Variants in RXRA observed in about 807,000 individuals in gnomAD.
RXRA encodes retinoic acid receptor RXR-alpha.
In RXRA, 5 loss-of-function variants were observed where a neutral mutation model predicts 44.5. The observed-to-expected ratio is 0.11, with a 90% CI of 0.06 to 0.24. RXRA has a LOEUF of 0.24. Among genes scored for constraint, RXRA ranks in the 10% least tolerant of loss-of-function variants. The probability of loss-of-function intolerance (pLI) is 1.00; values close to 1 mark genes in which losing one functional copy is unlikely to be tolerated. For missense variants in RXRA, 412 were observed against 646.5 expected (o/e 0.64, Z 3.93); for synonymous variants, 291 against 271.4 (o/e 1.07, Z -0.71).
Position 134,415,974 on chromosome 9 carries a change from G to T in RXRA, c.611-1184G>T, listed in dbSNP as rs1831227598. On this transcript the variant is annotated intron_variant, in intron 4 of 9. Transcript: ENST00000481739. ...ACCGGTACAATGGGGTAATGTGAGT[G>T]CCCGCCCTGTGGGGCGGTGTTGGGG... 2.0e-5 allele frequency among the ~76,000 whole-genome samples: 3 copies of T among 152,352 alleles called. No homozygotes were observed. In the South Asian group the frequency reaches 6.2e-4, roughly 32 times the overall value.
At chr9:134,372,713 C>G (rs904008065) in intron 1 of RXRA, among the ~76,000 whole-genome samples, 1 of 152,210 alleles carries the variant, frequency 6.6e-6, no homozygotes. Flanking sequence ...CTGTGAGACC[C>G]TGCTCTTCCC....
In RXRA at chr9:134,366,013, C is replaced by T. The variant is rs920913507; in HGVS notation, c.29-35619C>T. Among the ~76,000 whole-genome samples the T allele has an allele frequency of 2.6e-5, 4 of 152,074 alleles. No homozygotes were observed. The highest frequency in any genetic ancestry group is 7.2e-5 in the African/African-American group (3 of 41,392). ...TGCAGGAGCCGCGGGGATCATCTGG[C>T]GGCTGCCTCCACCCCTGCCTCCACC... On this transcript the variant is annotated intron_variant, in intron 1 of 9. Transcript: ENST00000481739. The surrounding 1 kb of genome is among the most constrained non-coding windows in gnomAD (Gnocchi z 5.9).
chr9:134,370,510 C>T (rs546829620), intron 1 of RXRA, among the ~76,000 whole-genome samples: 2 of 152,382 alleles, frequency 1.3e-5, no homozygotes, highest in African/African-American at 4.8e-5. Flanking sequence ...AAGGCCAAGC[C>T]TTTGCCCCGT....
chr9:134,357,085 C>T (rs1465689866), intron 1 of RXRA, among the ~76,000 whole-genome samples: 3 of 152,236 alleles, frequency 2.0e-5, no homozygotes, highest in Non-Finnish European at 4.4e-5. Context: ...ACCCCCAAAC[C>T]CACCCAGCCC....
chr9:134,427,324 C>T lies in RXRA; in HGVS notation c.911-1784C>T, dbSNP rs374086376. Among the ~76,000 whole-genome samples the T allele has an allele frequency of 2.1e-4, 32 of 152,276 alleles. No individual in the cohort carries two copies. In the East Asian group the frequency reaches 4.1e-3, roughly 19 times the overall value. ...AACCCCCGCCCCGGGGGACCCCACTCTTCTTACTCCCCATCGCAACGGGCT... is the reference window on the plus strand; with the variant it reads ...AACCCCCGCCCCGGGGGACCCCACTTTTCTTACTCCCCATCGCAACGGGCT... On this transcript the variant is annotated intron_variant, in intron 6 of 9. Coordinates refer to ENST00000481739, the MANE Select transcript of RXRA (RefSeq NM_002957.6).
At position 134,387,555 on chromosome 9, in the gene RXRA, C is replaced by T. The variant is rs78678536; in HGVS notation, c.29-14077C>T. 2.7e-4 allele frequency among the ~76,000 whole-genome samples: 41 copies of T among 152,362 alleles called. No individual in the cohort carries two copies. The East Asian group carries it at 7.1e-3, about 27-fold the overall frequency. On this transcript the variant is annotated intron_variant, in intron 1 of 9. Coordinates refer to ENST00000481739, the MANE Select transcript of RXRA (RefSeq NM_002957.6). ...TGCGTGGGCATTGATGGATGCCAGG[C>T]GAGGCTGTGCCGGGCAGTCTCTGGG...
chr9:134,384,874 C>T (rs922491092), intron 1 of RXRA, among the ~76,000 whole-genome samples: 11 of 152,170 alleles, frequency 7.2e-5, no homozygotes, highest in East Asian at 3.8e-4. Flanking sequence ...TCCTGAGCAC[C>T]GCCTGCAGAA....
At chr9:134,337,092 G>GCA (rs1554747412) in intron 1 of RXRA, among the ~76,000 whole-genome samples, 1 of 152,200 alleles carries the variant, frequency 6.6e-6, no homozygotes, top group Non-Finnish European at 1.5e-5. Flanking sequence ...TGGAGATGTG[G>GCA]CTGCCACCGG....
intron 6 of RXRA, chr9:134,424,823 G>T: frequency 1.0e-6 from 1 of 985,480 alleles, no homozygotes; most frequent in Non-Finnish European, 1.2e-6. Flanking sequence ...CATGGCTGTA[G>T]CCTGACTGGG....
In RXRA at chr9:134,417,050, G is replaced by A. The variant is rs1404880710; in HGVS notation, c.611-108G>A. 1.7e-6 allele frequency: 2 copies of A among 1,198,338 alleles called. No homozygotes were observed. Among genetic ancestry groups the A allele is most frequent in the Non-Finnish European group, 2.3e-6 (2 of 858,876 alleles). The allele number at this position is 1,198,338 out of a possible 1,614,324, so 74.2% of individuals were successfully genotyped here. A position where few individuals can be genotyped will look rare whatever the true frequency, so the allele number is the denominator to read the frequency against. ...ACCCAGTGCTGGTGGGGATGCTGGT[G>A]TTGTGGGTGAGTTGGCTGGGAGCTG... On this transcript the variant is annotated intron_variant, in intron 4 of 9. Transcript: ENST00000481739. This position sits in a 1 kb window ranked among gnomAD's most constrained non-coding sequence, Gnocchi z 6.1.
intron 1 of RXRA, among the ~76,000 whole-genome samples, chr9:134,389,381 G>A (rs1830767626): frequency 2.6e-5 from 4 of 152,114 alleles, no homozygotes; most frequent in Admixed American, 2.0e-4. Flanking sequence ...GACAGCAGAG[G>A]CCTGGCCCCA....
chr9:134,386,198 C>T (rs1162258400), intron 1 of RXRA, among the ~76,000 whole-genome samples: 4 of 152,262 alleles, frequency 2.6e-5, no homozygotes, highest in African/African-American at 9.6e-5. Context: ...CTCCCTCAGG[C>T]CCCTTCCTGC....
rs114211388 is a variant in RXRA at position 134,333,584 on chromosome 9, C to T, written c.28+6925C>T. ...CCTCCAGCCGCCATGGATAAACCCT[C>T]GGAGTTCAAAGACAACCCCGGGTGC... On this transcript the variant is annotated intron_variant, in intron 1 of 9. Transcript: ENST00000481739. 1.0e-2 allele frequency among the ~76,000 whole-genome samples: 1,521 copies of T among 152,250 alleles called. 23 individuals are homozygous for T. Among genetic ancestry groups the T allele is most frequent in the African/African-American group, 0.034 (1,420 of 41,554 alleles).
chr9:134,391,359 A>C (rs1830797100), intron 1 of RXRA, among the ~76,000 whole-genome samples: 1 of 152,108 alleles, frequency 6.6e-6, no homozygotes, highest in Non-Finnish European at 1.5e-5. Flanking sequence ...TGGCCGTTCC[A>C]CGACAGAGCT....
chr9:134,354,781 GTCTTTGGCCCTC>G (rs1554749874), intron 1 of RXRA, among the ~76,000 whole-genome samples: 1 of 152,268 alleles, frequency 6.6e-6, no homozygotes, highest in African/African-American at 2.4e-5. Flanking sequence ...TGCCTCCGCT[GTCTTTGGCCCTC>G]CAGGCTCCCC....
chr9:134,404,697 C>T (rs1462805485), intron 2 of RXRA: 9 of 152,810 alleles, frequency 5.9e-5, no homozygotes, highest in Non-Finnish European at 1.2e-4. Flanking sequence ...GGCGCCTACC[C>T]GCCAGGGACT....
Position 134,409,138 on chromosome 9 carries a change from T to G in RXRA, c.610+19T>G, listed in dbSNP as rs1588294311. On this transcript the variant is annotated intron_variant, in intron 4 of 9. Coordinates refer to ENST00000481739, the MANE Select transcript of RXRA (RefSeq NM_002957.6). ...CGGGAAGGTAGGCCACGGCGTCGGG[T>G]GGGGGCGCGGGCAGGTGTTGGACAA... 1 of 1,528,626 alleles carries G rather than the reference T, an allele frequency of 6.5e-7. No homozygotes were observed. The highest frequency in any genetic ancestry group is 8.8e-7 in the Non-Finnish European group (1 of 1,135,272). The allele number at this position is 1,528,626 out of a possible 1,614,324, so 94.7% of individuals were successfully genotyped here. A position where few individuals can be genotyped will look rare whatever the true frequency, so the allele number is the denominator to read the frequency against.
rs1831539178 is a variant in RXRA, at chr9:134,431,965, C to G, written c.1104C>G (p.Gly368=). ...TGCAGATGGACAAGACGGAGCTGGGCTGCCTGCGCGCCATCGTCCTCTTTA... is the reference window on the plus strand; with the variant it reads ...TGCAGATGGACAAGACGGAGCTGGGGTGCCTGCGCGCCATCGTCCTCTTTA... ...RDMQMDKTEL[G]CLRAIVLFNP... Residue 368 remains glycine, a synonymous_variant, in exon 8 of 10, where the codon GGC becomes GGG. Coordinates refer to ENST00000481739, the MANE Select transcript of RXRA (RefSeq NM_002957.6). 1.2e-6 allele frequency: 2 copies of G among 1,613,962 alleles called. No individual in the cohort carries two copies. The highest frequency in any genetic ancestry group is 1.7e-6 in the Non-Finnish European group (2 of 1,179,900).
At chr9:134,378,262 G>A (rs535806458) in intron 1 of RXRA, among the ~76,000 whole-genome samples, 7 of 152,158 alleles carry the variant, frequency 4.6e-5, no homozygotes, top group Admixed American at 2.0e-4. Flanking sequence ...GCAGAGAGGC[G>A]AGTTCTCTGT....
Sources: gnomAD v4.1 joint callset for allele counts (sites outside exome capture counted in the v4.1 genomes callset) on GRCh38, gnomAD v4.1.1 for gene constraint, Gnocchi (gnomAD v3.1) non-coding constraint, MANE v1.5 for transcripts, NCBI Gene and HGNC (gene_info 2026-07-23, HGNC 2026-07-21) for gene names.